Variants in GALNT17 observed in about 807,000 individuals in gnomAD.
GALNT17 encodes polypeptide N-acetylgalactosaminyltransferase 17.
Under a neutral mutation model 63.7 loss-of-function variants are expected in GALNT17, and 29 were observed. The ratio of observed to expected loss-of-function variants is 0.46; its 90% confidence interval spans 0.34 to 0.62. The LOEUF is 0.62. Ranked by LOEUF, GALNT17 falls within the 20% of genes least tolerant of loss-of-function variation. The probability of loss-of-function intolerance (pLI) is 0.01; values close to 1 mark genes in which losing one functional copy is unlikely to be tolerated. For missense variants in GALNT17, 603 were observed against 799.6 expected (o/e 0.75, Z 2.97); for synonymous variants, 305 against 318.3 (o/e 0.96, Z 0.45).
chr7:71,457,875 T>C (rs766078158), intron 5 of GALNT17, among the ~76,000 whole-genome samples: 53 of 152,196 alleles, frequency 3.5e-4, no homozygotes, highest in Admixed American at 5.9e-4. Context: ...AGCCTTATTT[T>C]ACCCAGCTCC....
At chr7:71,261,184 G>A (rs541429109) in intron 1 of GALNT17, among the ~76,000 whole-genome samples, 2 of 152,268 alleles carry the variant, frequency 1.3e-5, no homozygotes, top group East Asian at 1.9e-4. Context: ...TGGTTCCAAC[G>A]TGCGGTCACG....
intron 1 of GALNT17, among the ~76,000 whole-genome samples, chr7:71,157,364 AG>A (rs1293152979): frequency 6.6e-6 from 1 of 151,868 alleles, no homozygotes; most frequent in Non-Finnish European, 1.5e-5. Flanking sequence ...AAAAAAATTG[AG>A]GTAATGCATT....
At chr7:71,348,175 C>G (rs371736303) in intron 2 of GALNT17, among the ~76,000 whole-genome samples, 1 of 151,782 alleles carries the variant, frequency 6.6e-6, no homozygotes, top group South Asian at 2.1e-4. Flanking sequence ...GCAGGAGAAT[C>G]GCTTGAACCT....
At chr7:71,565,163 A>G (rs558603672) in intron 5 of GALNT17, among the ~76,000 whole-genome samples, 3 of 152,174 alleles carry the variant, frequency 2.0e-5, no homozygotes, top group African/African-American at 4.8e-5. Flanking sequence ...GCTACTTGGG[A>G]TGCTGAGGCA....
chr7:71,658,419 T>G (rs1015069264), intron 6 of GALNT17, among the ~76,000 whole-genome samples: 1 of 151,864 alleles, frequency 6.6e-6, no homozygotes, highest in South Asian at 2.1e-4. Context: ...GACCCCAGAG[T>G]CTTGTGATGG....
intron 1 of GALNT17, among the ~76,000 whole-genome samples, chr7:71,295,403 C>A (rs1448843932): frequency 5.3e-5 from 8 of 151,900 alleles, no homozygotes; most frequent in Admixed American, 5.3e-4. Context: ...TTGAAGCCTG[C>A]CTTTCTCCCT....
At chr7:71,586,127 G>A (rs1789714370) in intron 6 of GALNT17, among the ~76,000 whole-genome samples, 1 of 151,846 alleles carries the variant, frequency 6.6e-6, no homozygotes, top group Non-Finnish European at 1.5e-5. Context: ...GGCTAGTCGC[G>A]AACTCCTGAC....
At chr7:71,335,903 T>G (rs1791891992) in intron 2 of GALNT17, among the ~76,000 whole-genome samples, 170 bp downstream of exon 2, 1 of 152,076 alleles carries the variant, frequency 6.6e-6, no homozygotes, top group Admixed American at 6.5e-5. Flanking sequence ...AAAGATTAGC[T>G]AAACAAAAAA....
chr7:71,172,560 T>C (rs900107610), intron 1 of GALNT17, among the ~76,000 whole-genome samples: 2 of 152,036 alleles, frequency 1.3e-5, no homozygotes, highest in Non-Finnish European at 2.9e-5. Flanking sequence ...TAATGTGATC[T>C]GTGATGTTTG....
intron 5 of GALNT17, among the ~76,000 whole-genome samples, chr7:71,509,009 C>A (rs762325358): frequency 8.5e-5 from 13 of 152,128 alleles, no homozygotes; most frequent in Non-Finnish European, 1.6e-4. Flanking sequence ...TCCAGCCACT[C>A]CACCATAAAA....
chr7:71,311,932 G>A (rs73356099), intron 1 of GALNT17, among the ~76,000 whole-genome samples: 38,911 of 151,970 alleles, frequency 0.26, 5,341 homozygotes, highest in East Asian at 0.46. Flanking sequence ...ACTCTGGACC[G>A]GATTGAAGAC....
At chr7:71,286,983 C>T (rs1307530306) in intron 1 of GALNT17, among the ~76,000 whole-genome samples, 1 of 151,802 alleles carries the variant, frequency 6.6e-6, no homozygotes, top group Non-Finnish European at 1.5e-5. Flanking sequence ...TATAGAGACA[C>T]GGAACTCCCC....
intron 5 of GALNT17, among the ~76,000 whole-genome samples, chr7:71,441,515 C>T (rs1321499798): frequency 6.6e-6 from 1 of 151,950 alleles, no homozygotes; most frequent in African/African-American, 2.4e-5. Flanking sequence ...ATTTGCAGAA[C>T]GTGCAGGTTT....
intron 1 of GALNT17, among the ~76,000 whole-genome samples, chr7:71,151,376 C>G (rs1360804056): frequency 6.6e-6 from 1 of 151,984 alleles, no homozygotes; most frequent in African/African-American, 2.4e-5. Flanking sequence ...AGTCCCAGCA[C>G]TTTGGGAGGC....
chr7:71,270,117 T>C (rs35922457), intron 1 of GALNT17, among the ~76,000 whole-genome samples: 40,929 of 151,944 alleles, frequency 0.27, 5,645 homozygotes, highest in East Asian at 0.48. Context: ...TATGAGTAGT[T>C]ACTATTTTTA....
intron 5 of GALNT17, among the ~76,000 whole-genome samples, chr7:71,509,824 C>T (rs184803253): frequency 3.9e-5 from 6 of 152,266 alleles, no homozygotes; most frequent in Admixed American, 6.5e-5. Context: ...CCCAGAGAAA[C>T]GGGATGCAGC....
Position 71,579,008 on chromosome 7 carries a change from C to G in GALNT17, c.1080+7606C>G, listed in dbSNP as rs927322645. Reference sequence around the variant, plus strand: ...GAATAATGTAATTTGCATCATGGTCCATCCCAGAGAGGACCAGATGATCAG... The same window carrying G: ...GAATAATGTAATTTGCATCATGGTCGATCCCAGAGAGGACCAGATGATCAG... On this transcript the variant is annotated intron_variant, in intron 6 of 10. Coordinates refer to ENST00000333538, the MANE Select transcript of GALNT17 (RefSeq NM_022479.3). Among the ~76,000 whole-genome samples, 17 of 152,168 alleles carry G rather than the reference C, an allele frequency of 1.1e-4. 1 individual carries two copies. The highest frequency in any genetic ancestry group is 1.0e-3 in the Admixed American group (16 of 15,280).
At chr7:71,437,000 G>A (rs557512990) in intron 5 of GALNT17, among the ~76,000 whole-genome samples, 1 of 152,262 alleles carries the variant, frequency 6.6e-6, no homozygotes, top group South Asian at 2.1e-4. Context: ...GATGTGTGAA[G>A]AGTCAGCAGC....
intron 6 of GALNT17, among the ~76,000 whole-genome samples, chr7:71,628,757 C>T (rs112043450): frequency 3.9e-5 from 6 of 151,938 alleles, no homozygotes; most frequent in African/African-American, 9.6e-5. Context: ...ATGGTGAAAC[C>T]GCGTCTCTAC....
Sources: gnomAD v4.1 joint callset for allele counts (sites outside exome capture counted in the v4.1 genomes callset) on GRCh38, gnomAD v4.1.1 for gene constraint, MANE v1.5 for transcripts, NCBI Gene and HGNC (gene_info 2026-07-23, HGNC 2026-07-21) for gene names.